Variants in GPC5 observed in about 807,000 individuals in gnomAD.
The protein encoded by GPC5 is glypican 5.
A neutral mutation model predicts 53.9 loss-of-function variants in GPC5; 47 were observed. The observed-to-expected ratio is 0.87, with a 90% CI of 0.69 to 1.11. GPC5 has a LOEUF of 1.11. GPC5 is among the 50% of genes most tolerant of loss of function. GPC5 has a pLI of 0.00. For synonymous variants in GPC5, 286 were observed against 263.3 expected, an observed-to-expected ratio of 1.09 and a Z score of -0.84; for missense variants, 748 against 713.1, an observed-to-expected ratio of 1.05 and a Z score of -0.56.
At chr13:91,988,396 C>T (rs1324653056) in intron 6 of GPC5, among the ~76,000 whole-genome samples, 4 of 152,130 alleles carry the variant, frequency 2.6e-5, no homozygotes, top group African/African-American at 9.7e-5. Context: ...CAGAAAGCTT[C>T]GCAGCATGAA....
At chr13:92,180,005 A>G (rs1306517245) in intron 7 of GPC5, among the ~76,000 whole-genome samples, 1 of 152,230 alleles carries the variant, frequency 6.6e-6, no homozygotes, top group African/African-American at 2.4e-5. Flanking sequence ...TTTGAGTCAC[A>G]AGACAGGCAC....
intron 7 of GPC5, among the ~76,000 whole-genome samples, chr13:92,794,752 A>G (rs1025176926): frequency 6.6e-6 from 1 of 152,164 alleles, no homozygotes; most frequent in Non-Finnish European, 1.5e-5. Flanking sequence ...AGATAAACAG[A>G]GAACCAAATC....
chr13:92,846,699 G>C (rs1878624046), intron 7 of GPC5, among the ~76,000 whole-genome samples: 1 of 152,212 alleles, frequency 6.6e-6, no homozygotes, highest in African/African-American at 2.4e-5. Context: ...CTGGTGGTAA[G>C]TGACAGTCTT....
chr13:91,662,168 G>T (rs1234195343), intron 2 of GPC5, among the ~76,000 whole-genome samples: 1 of 152,124 alleles, frequency 6.6e-6, no homozygotes, highest in Non-Finnish European at 1.5e-5. Flanking sequence ...AAGGATGGAG[G>T]AAGAGAAGGA....
At chr13:91,617,300 C>T (rs141402892) in intron 2 of GPC5, among the ~76,000 whole-genome samples, 81 of 152,032 alleles carry the variant, frequency 5.3e-4, no homozygotes, top group East Asian at 3.1e-3. Flanking sequence ...GGGGGAAGAC[C>T]GTGTAGAGAA....
intron 4 of GPC5, among the ~76,000 whole-genome samples, chr13:91,738,638 T>C (rs1397894127): frequency 6.6e-6 from 1 of 151,376 alleles, no homozygotes; most frequent in South Asian, 2.1e-4. Flanking sequence ...TATTTATTAT[T>C]TTTATCCTTT....
At chr13:91,676,913 C>T (rs933774510) in intron 2 of GPC5, among the ~76,000 whole-genome samples, 4 of 152,120 alleles carry the variant, frequency 2.6e-5, no homozygotes, top group Non-Finnish European at 4.4e-5. Context: ...TTTTTAAGGC[C>T]GTTGGAACCA....
chr13:91,447,598 C>A (rs1169487490), intron 1 of GPC5, among the ~76,000 whole-genome samples: 1 of 151,948 alleles, frequency 6.6e-6, no homozygotes, highest in East Asian at 1.9e-4. Flanking sequence ...GACCCAGAAC[C>A]AACTTTTGGA....
intron 6 of GPC5, among the ~76,000 whole-genome samples, chr13:91,932,161 T>C (rs181930960): frequency 6.6e-6 from 1 of 152,130 alleles, no homozygotes; most frequent in Non-Finnish European, 1.5e-5. Flanking sequence ...AAGAATCCAA[T>C]GTTGTATTTT....
At chr13:91,611,743 A>T (rs150488754) in intron 2 of GPC5, among the ~76,000 whole-genome samples, 1 of 152,102 alleles carries the variant, frequency 6.6e-6, no homozygotes, top group Non-Finnish European at 1.5e-5. Flanking sequence ...TACAGTCCCT[A>T]TGGCCATAGT....
chr13:92,258,185 T>C (rs1202431304), intron 7 of GPC5, among the ~76,000 whole-genome samples: 1 of 152,188 alleles, frequency 6.6e-6, no homozygotes, highest in Non-Finnish European at 1.5e-5. Flanking sequence ...AGACAAAATT[T>C]AATTTATTTG....
At chr13:92,769,529 A>G (rs952177174) in intron 7 of GPC5, among the ~76,000 whole-genome samples, 5 of 152,084 alleles carry the variant, frequency 3.3e-5, no homozygotes, top group South Asian at 2.1e-4. Flanking sequence ...TCTGAGCCCA[A>G]GAGTTCGAGA....
At position 91,480,167 on chromosome 13, in the gene GPC5, A is replaced by T. The variant is rs1008359473; in HGVS notation, c.325+31245A>T. ...GGAACTTTATGTAGTTCAGTTAGGC[A>T]GACTGTATACATTTGATTTGTTTTA... On this transcript the variant is annotated intron_variant, in intron 2 of 7. Coordinates refer to ENST00000377067, the MANE Select transcript of GPC5 (RefSeq NM_004466.6). Among the ~76,000 whole-genome samples the T allele has an allele frequency of 7.9e-5, 12 of 152,336 alleles. No homozygotes were observed. The East Asian group carries it at 1.2e-3, about 15-fold the overall frequency.
intron 6 of GPC5, among the ~76,000 whole-genome samples, chr13:92,088,867 T>G (rs7322627): frequency 0.057 from 8,729 of 152,154 alleles, 818 homozygotes; most frequent in African/African-American, 0.2. Flanking sequence ...TTTTAAACAT[T>G]GAGAATAAAA....
intron 7 of GPC5, among the ~76,000 whole-genome samples, chr13:92,799,386 G>T (rs887609162): frequency 6.6e-6 from 1 of 151,666 alleles, no homozygotes; most frequent in African/African-American, 2.4e-5. Flanking sequence ...GCATAATTTA[G>T]ATATTGTTCT....
chr13:92,047,134 G>A (rs2040988179), intron 6 of GPC5, among the ~76,000 whole-genome samples: 1 of 152,010 alleles, frequency 6.6e-6, no homozygotes, highest in African/African-American at 2.4e-5. Flanking sequence ...GTCTGTTTAG[G>A]GACCCTGGTT....
chr13:92,592,741 G>T (rs1267884378), intron 7 of GPC5, among the ~76,000 whole-genome samples: 1 of 151,186 alleles, frequency 6.6e-6, no homozygotes, highest in Non-Finnish European at 1.5e-5. Context: ...CTTCTGGTCA[G>T]AGATAAATAG....
chr13:91,690,507 A>G (rs896979427), intron 2 of GPC5, among the ~76,000 whole-genome samples: 1 of 152,168 alleles, frequency 6.6e-6, no homozygotes, highest in Non-Finnish European at 1.5e-5. Context: ...GAAATGCTAT[A>G]TTCATTTTTA....
At chr13:92,732,165 C>A (rs1271265641) in intron 7 of GPC5, among the ~76,000 whole-genome samples, 1 of 151,422 alleles carries the variant, frequency 6.6e-6, no homozygotes, top group Non-Finnish European at 1.5e-5. Flanking sequence ...TCCTCTCTTA[C>A]CACTTTCAAA....
Sources: gnomAD v4.1 joint callset for allele counts (sites outside exome capture counted in the v4.1 genomes callset) on GRCh38, gnomAD v4.1.1 for gene constraint, MANE v1.5 for transcripts, NCBI Gene and HGNC (gene_info 2026-07-23, HGNC 2026-07-21) for gene names.